Variants in PTPRD observed in about 807,000 individuals in gnomAD.
PTPRD encodes receptor-type tyrosine-protein phosphatase delta.
A neutral mutation model predicts 214.5 loss-of-function variants in PTPRD; 34 were observed. That is an observed-to-expected ratio of 0.16 (90% CI 0.12 to 0.21). The LOEUF (loss-of-function observed/expected upper bound fraction) is 0.21, where lower values mean the gene tolerates loss of function less well. Ranked by LOEUF, PTPRD falls within the 10% of genes least tolerant of loss-of-function variation. PTPRD has a pLI of 1.00. For missense variants in PTPRD, 2,545 were observed against 2,398.7 expected, an observed-to-expected ratio of 1.06 and a Z score of -1.27; for synonymous variants, 1,128 against 845.7, an observed-to-expected ratio of 1.33 and a Z score of -5.79.
intron 11 of PTPRD, among the ~76,000 whole-genome samples, chr9:8,862,746 C>G (rs1358058809): frequency 1.3e-5 from 2 of 152,236 alleles, no homozygotes; most frequent in Admixed American, 6.5e-5. Flanking sequence ...CAGCACTGTC[C>G]TCTTTAAGAA....
intron 11 of PTPRD, among the ~76,000 whole-genome samples, chr9:8,973,053 A>G (rs565863258): frequency 6.6e-6 from 1 of 152,074 alleles, no homozygotes; most frequent in South Asian, 2.1e-4. Context: ...ATTATTGAGA[A>G]GTATGTGCAT....
intron 9 of PTPRD, among the ~76,000 whole-genome samples, chr9:9,221,190 A>C (rs1348834220): frequency 6.6e-6 from 1 of 152,106 alleles, no homozygotes; most frequent in Non-Finnish European, 1.5e-5. Flanking sequence ...GTAGTAACTA[A>C]GGAAAATTAA....
At chr9:9,796,059 G>GT (rs893103083) in intron 5 of PTPRD, among the ~76,000 whole-genome samples, 2 of 151,874 alleles carry the variant, frequency 1.3e-5, no homozygotes, top group Non-Finnish European at 2.9e-5. Context: ...GTATTTTTCA[G>GT]TTTTTTTAAT....
chr9:9,228,395 G>A (rs1204849025), intron 9 of PTPRD, among the ~76,000 whole-genome samples: 1 of 151,898 alleles, frequency 6.6e-6, no homozygotes, highest in Non-Finnish European at 1.5e-5. Flanking sequence ...ACACATATGT[G>A]CACACATATG....
At chr9:10,369,088 A>G (rs1195619552) in intron 2 of PTPRD, among the ~76,000 whole-genome samples, 2 of 152,080 alleles carry the variant, frequency 1.3e-5, no homozygotes, top group African/African-American at 2.4e-5. Flanking sequence ...GGTTAAAAAA[A>G]TTGTGCTAAA....
At chr9:9,503,653 T>C (rs1466828454) in intron 8 of PTPRD, among the ~76,000 whole-genome samples, 1 of 151,768 alleles carries the variant, frequency 6.6e-6, no homozygotes, top group Non-Finnish European at 1.5e-5. Flanking sequence ...AGCAAGACTA[T>C]GGTAGAAGTG....
chr9:9,585,923 C>A (rs1489281443), intron 7 of PTPRD, among the ~76,000 whole-genome samples: 6 of 151,982 alleles, frequency 3.9e-5, no homozygotes, highest in Non-Finnish European at 8.8e-5. Context: ...AGCAGGCTAA[C>A]CAGAAGTAGA....
intron 33 of PTPRD, among the ~76,000 whole-genome samples, chr9:8,450,885 G>A (rs2095911862): frequency 6.6e-6 from 1 of 152,112 alleles, no homozygotes; most frequent in Admixed American, 6.6e-5. Context: ...CTACACCACA[G>A]TCACAATCCT....
intron 10 of PTPRD, among the ~76,000 whole-genome samples, chr9:9,047,264 C>A (rs945710155): frequency 6.6e-6 from 1 of 151,808 alleles, no homozygotes; most frequent in Non-Finnish European, 1.5e-5. Context: ...AGACACCAAA[C>A]AATGAAAAAA....
chr9:8,531,499 C>T (rs1024641347), intron 14 of PTPRD, among the ~76,000 whole-genome samples: 1 of 152,080 alleles, frequency 6.6e-6, no homozygotes, highest in African/African-American at 2.4e-5. Flanking sequence ...ACCTCAAGTG[C>T]TCCAACACCA....
chr9:8,726,776 C>T (rs1478929288), intron 12 of PTPRD, among the ~76,000 whole-genome samples: 2 of 133,574 alleles, frequency 1.5e-5, no homozygotes, highest in African/African-American at 2.8e-5. Flanking sequence ...ACTCCAGCCT[C>T]GGTGACAGAG....
At chr9:8,631,205 A>G (rs1045753586) in intron 14 of PTPRD, among the ~76,000 whole-genome samples, 1 of 151,952 alleles carries the variant, frequency 6.6e-6, no homozygotes, top group Non-Finnish European at 1.5e-5. Context: ...ATAGTCTCTA[A>G]GATTCCTGCC....
intron 3 of PTPRD, among the ~76,000 whole-genome samples, chr9:10,143,290 A>T (rs1314997449): frequency 6.6e-6 from 1 of 151,744 alleles, no homozygotes; most frequent in East Asian, 1.9e-4. Flanking sequence ...TAAATAAAAT[A>T]AAATAAAATA....
chr9:8,450,897 G>A (rs2133562671), intron 33 of PTPRD, among the ~76,000 whole-genome samples: 1 of 152,226 alleles, frequency 6.6e-6, no homozygotes, highest in South Asian at 2.1e-4. Flanking sequence ...CACAATCCTA[G>A]TATCTCACCC....
At chr9:10,267,840 G>C (rs898229164) in intron 3 of PTPRD, among the ~76,000 whole-genome samples, 6 of 152,036 alleles carry the variant, frequency 3.9e-5, no homozygotes, top group Non-Finnish European at 5.9e-5. Context: ...TTTTGGAATA[G>C]TTTCTATGCT....
At chr9:9,093,378 A>G (rs1034707370) in intron 10 of PTPRD, among the ~76,000 whole-genome samples, 1 of 152,090 alleles carries the variant, frequency 6.6e-6, no homozygotes, top group East Asian at 1.9e-4. Flanking sequence ...ACGGCAGACT[A>G]CATAGTTTAT....
chr9:9,544,354 G>A (rs1056275214), intron 8 of PTPRD, among the ~76,000 whole-genome samples: 3 of 151,460 alleles, frequency 2.0e-5, no homozygotes, highest in Non-Finnish European at 4.4e-5. Flanking sequence ...ATCAATGAAG[G>A]TTCCCAAAAT....
intron 3 of PTPRD, among the ~76,000 whole-genome samples, chr9:10,044,052 G>A (rs1202830353): frequency 6.6e-6 from 1 of 151,688 alleles, no homozygotes; most frequent in African/African-American, 2.4e-5. Context: ...TGAGAGAGAG[G>A]AGGTCTGTCT....
chr9:9,746,731 A>G (rs879456349), intron 6 of PTPRD, among the ~76,000 whole-genome samples: 1 of 152,058 alleles, frequency 6.6e-6, no homozygotes, highest in Non-Finnish European at 1.5e-5. Context: ...ATCCAGAGCT[A>G]GCTCACACGC....
Sources: gnomAD v4.1 joint callset for allele counts (sites outside exome capture counted in the v4.1 genomes callset) on GRCh38, gnomAD v4.1.1 for gene constraint, MANE v1.5 for transcripts, NCBI Gene and HGNC (gene_info 2026-07-23, HGNC 2026-07-21) for gene names.